The following MRPL45 variants were observed in gnomAD, a reference collection of about 807,000 sequenced individuals.
MRPL45 encodes mitochondrial ribosomal protein L45.
Under a neutral mutation model 38.1 loss-of-function variants are expected in MRPL45, and 20 were observed. The observed-to-expected ratio is 0.53, with a 90% confidence interval of 0.37 to 0.76. The LOEUF (loss-of-function observed/expected upper bound fraction) is 0.76. MRPL45 is among the 30% of genes least tolerant of loss of function. MRPL45 has a pLI of 0.00. For synonymous variants in MRPL45, 105 were observed against 128.8 expected (o/e 0.82, Z 1.25); for missense variants, 337 against 395.6 (o/e 0.85, Z 1.26).
At chr17:38,301,467 C>T (rs1368494069) in intron 3 of MRPL45, among the ~76,000 whole-genome samples, 12 of 151,916 alleles carry the variant, frequency 7.9e-5, no homozygotes, top group Non-Finnish European at 1.5e-4. Context: ...CTTGAACTCC[C>T]GACCTCAGGT....
At chr17:38,311,495 G>A (rs1224499593) in intron 4 of MRPL45, among the ~76,000 whole-genome samples, 1 of 151,968 alleles carries the variant, frequency 6.6e-6, no homozygotes, top group East Asian at 1.9e-4. Flanking sequence ...AGACCATCCT[G>A]GCCAACATGG....
At chr17:38,309,770 T>C (rs1431441384) in intron 4 of MRPL45, among the ~76,000 whole-genome samples, 2 of 151,856 alleles carry the variant, frequency 1.3e-5, no homozygotes, top group African/African-American at 4.8e-5. Flanking sequence ...TGTGTGTGTC[T>C]TTTATCCTGC....
Position 38,322,482 on chromosome 17 carries a change from G to T in MRPL45, c.835-27G>T, listed in dbSNP as rs761633756. The T allele has an allele frequency of 1.9e-6, 3 of 1,602,726 alleles. No individual in the cohort carries two copies. In the African/African-American group the frequency reaches 4.0e-5, roughly 21 times the overall value. On this transcript the variant is annotated intron_variant, in intron 7 of 7. Coordinates refer to ENST00000613675, the MANE Select transcript of MRPL45 (RefSeq NM_032351.6). The stretch of plus-strand genomic sequence containing the variant: ...TGGGTCAGCCATGGGCTTGGTTGGT[G>T]GGTAACCTGGCGTCCTACTCTTTCA...
At position 38,322,847 on chromosome 17, in the gene MRPL45, A is replaced by G. The variant is rs933798964; in HGVS notation, c.*252A>G. The G allele has an allele frequency of 8.3e-6, 4 of 480,842 alleles. No individual in the cohort carries two copies. Among genetic ancestry groups the G allele is most frequent in the Non-Finnish European group, 1.5e-5 (4 of 271,098 alleles). The allele number at this position is 480,842 out of a possible 1,614,324, so 29.8% of individuals were successfully genotyped here. A position where few individuals can be genotyped will look rare whatever the true frequency, so the allele number is the denominator to read the frequency against. ...CTTCTGAGTCTAGATGAAAGACAGT[A>G]TGTTTCAGAGAACATTGGATATCAG... On this transcript the variant is annotated 3_prime_UTR_variant, in exon 8 of 8. Transcript: ENST00000613675.
chr17:38,305,964 G>A (rs2037049891), intron 3 of MRPL45, among the ~76,000 whole-genome samples: 1 of 151,826 alleles, frequency 6.6e-6, no homozygotes, highest in South Asian at 2.1e-4. Context: ...TTGAGCATTT[G>A]TAAGAAACCC....
intron 3 of MRPL45, among the ~76,000 whole-genome samples, chr17:38,303,320 G>C (rs1422392190): frequency 3.9e-5 from 5 of 129,540 alleles, no homozygotes; most frequent in African/African-American, 1.2e-4. Context: ...TTTTTTGAGA[G>C]GGAGTCTCAC....
intron 6 of MRPL45, 94 bp from the exon 7 acceptor site, chr17:38,322,030 TCA>T: frequency 8.7e-7 from 1 of 1,151,658 alleles, no homozygotes; most frequent in Non-Finnish European, 1.2e-6. Context: ...AGACTCTGTC[TCA>T]AAAAAAAAAA....
Position 38,299,399 on chromosome 17 carries a change from C to T in MRPL45, c.293C>T (p.Ser98Leu), listed in dbSNP as rs2036969198. 5 of 1,612,672 alleles carry T rather than the reference C, an allele frequency of 3.1e-6. No homozygotes were observed. Among genetic ancestry groups the T allele is most frequent in the Non-Finnish European group, 4.2e-6 (5 of 1,179,806 alleles). Reference protein sequence around the residue: ...YVPPEGDARISSLSKEGLIER... With the variant: ...YVPPEGDARILSLSKEGLIER... ...CCTCCTGAGGGTGATGCACGCATAT[C>T]ATCTCTTTCAAAGGAGGGACTGATA... is the stretch of plus-strand genomic sequence containing the variant. Residue 98 changes from serine (S) to leucine (L), a missense_variant, in exon 3 of 8, where the codon TCA becomes TTA. Physicochemically the swap from Ser to Leu is moderately radical, Grantham distance 145. This residue lies in a region of MRPL45 where 251 missense variants were observed against 269.1 expected (regional missense o/e 0.93). Coordinates refer to ENST00000613675, the MANE Select transcript of MRPL45 (RefSeq NM_032351.6).
In MRPL45 at chr17:38,322,212, A is replaced by C; in HGVS notation, c.747A>C (p.Glu249Asp). Residue 249 changes from glutamate to aspartate, a missense_variant, in exon 7 of 8, where the codon GAA becomes GAC. Glu to Asp is a conservative substitution (Grantham distance 45). Transcript: ENST00000613675. ...ATGTCCTGGAGTATGTTGTATTCGA[A>C]AAGCAGTTGACAAACCCCTATGGAA... ...PKDVLEYVVF[E>D]KQLTNPYGSW... 6.2e-7 allele frequency: 1 copy of C among 1,614,098 alleles called. No homozygotes were observed. Among genetic ancestry groups the C allele is most frequent in the Non-Finnish European group, 8.5e-7 (1 of 1,179,998 alleles).
intron 3 of MRPL45, among the ~76,000 whole-genome samples, chr17:38,306,135 C>T (rs998173771): frequency 4.0e-5 from 6 of 151,460 alleles, no homozygotes; most frequent in Admixed American, 3.3e-4. Flanking sequence ...ATTGGCCGGG[C>T]GTGGTAGCTC....
At chr17:38,302,276 C>T (rs1213984751) in intron 3 of MRPL45, among the ~76,000 whole-genome samples, 3 of 151,638 alleles carry the variant, frequency 2.0e-5, no homozygotes, top group Non-Finnish European at 2.9e-5. Flanking sequence ...CCTGAGAGGT[C>T]GGGAGTTCGA....
At chr17:38,300,450 C>T (rs1233475626) in intron 3 of MRPL45, among the ~76,000 whole-genome samples, 2 of 152,100 alleles carry the variant, frequency 1.3e-5, no homozygotes, top group African/African-American at 4.8e-5. Flanking sequence ...AGGTGTGACC[C>T]GTCACACCCA....
intron 3 of MRPL45, among the ~76,000 whole-genome samples, chr17:38,306,051 GTCTT>G (rs1179659511): frequency 6.6e-6 from 1 of 152,054 alleles, no homozygotes; most frequent in African/African-American, 2.4e-5. Context: ...AGAAGTCTTA[GTCTT>G]TCTTTAGAGT....
At chr17:38,301,940 A>G (rs1275870725) in intron 3 of MRPL45, among the ~76,000 whole-genome samples, 1 of 151,546 alleles carries the variant, frequency 6.6e-6, no homozygotes, top group Non-Finnish European at 1.5e-5. Flanking sequence ...ACACAGGGAA[A>G]CCCCGTCTCT....
chr17:38,304,850 C>CTT (rs113236896), intron 3 of MRPL45, among the ~76,000 whole-genome samples: 1 of 137,092 alleles, frequency 7.3e-6, no homozygotes, highest in African/African-American at 2.7e-5. Context: ...CCGTAACTTC[C>CTT]TTTTTTTTTT....
At chr17:38,319,400 C>G (rs1173967202) in intron 5 of MRPL45, among the ~76,000 whole-genome samples, 1 of 151,766 alleles carries the variant, frequency 6.6e-6, no homozygotes, top group African/African-American at 2.4e-5. Flanking sequence ...AACTCCCGAC[C>G]TCAGGTGATC....
intron 3 of MRPL45, among the ~76,000 whole-genome samples, chr17:38,303,527 C>T (rs1257559565): frequency 3.3e-5 from 5 of 151,740 alleles, no homozygotes; most frequent in Admixed American, 3.3e-4. Context: ...AACTCCTGAC[C>T]TCATTATCTA....
intron 4 of MRPL45, among the ~76,000 whole-genome samples, chr17:38,307,846 TA>T (rs149162721): frequency 0.86 from 130,489 of 151,952 alleles, 56,717 homozygotes; most frequent in South Asian, 0.93. Context: ...TTTATTTCTT[TA>T]AAAAAAATTT....
At chr17:38,318,760 T>C (rs751165449) in intron 5 of MRPL45, 25 bp downstream of exon 5, 28 of 1,564,382 alleles carry the variant, frequency 1.8e-5, no homozygotes, top group Middle Eastern at 1.7e-4. Context: ...TCCTTAGAAC[T>C]GTGGGGTGAC....
Sources: allele counts gnomAD v4.1 joint callset (sites outside exome capture counted in the v4.1 genomes callset), GRCh38; gene constraint gnomAD v4.1.1; regional missense constraint gnomAD v4.1.1; transcripts MANE v1.5; gene names NCBI Gene and HGNC (gene_info 2026-07-23, HGNC 2026-07-21).